The following GALNT7 variants were observed in gnomAD, a reference collection of about 807,000 sequenced individuals.
GALNT7 encodes polypeptide N-acetylgalactosaminyltransferase 7.
A neutral mutation model predicts 82.1 loss-of-function variants in GALNT7; 60 were observed. That is an observed-to-expected ratio of 0.73 (90% CI 0.59 to 0.91). The LOEUF (loss-of-function observed/expected upper bound fraction) is 0.91, where lower values mean the gene tolerates loss of function less well. Ranked by LOEUF, GALNT7 falls within the 40% of genes least tolerant of loss-of-function variation. The pLI is 0.00. For synonymous variants in GALNT7, 243 were observed against 275.1 expected (o/e 0.88, Z 1.15); for missense variants, 660 against 804.2 (o/e 0.82, Z 2.17).
Position 173,289,366 on chromosome 4 carries a change from A to G in GALNT7, c.588-2742A>G, listed in dbSNP as rs537974681. ...ACCTGGCTTCTTTGTCCTGCGTCCA[A>G]GAAAATTGAGCATGGACACAAGGGT... On this transcript the variant is annotated intron_variant, in intron 2 of 11. Transcript: ENST00000265000. 2.6e-5 allele frequency among the ~76,000 whole-genome samples: 4 copies of G among 152,284 alleles called. No homozygotes were observed. In the East Asian group the frequency reaches 7.7e-4, roughly 29 times the overall value.
intron 8 of GALNT7, among the ~76,000 whole-genome samples, chr4:173,313,582 A>AAAAAAG (rs944730472): frequency 1.3e-5 from 2 of 151,648 alleles, no homozygotes; most frequent in African/African-American, 4.8e-5. Flanking sequence ...AAAAAAAAAA[A>AAAAAAG]AAAAGAAAAG....
intron 1 of GALNT7, chr4:173,169,537 G>A (rs1731775584): frequency 6.6e-6 from 1 of 151,562 alleles, no homozygotes; most frequent in African/African-American, 2.4e-5. Context: ...GGAGTGGGAG[G>A]GCGATGGCGC....
intron 1 of GALNT7, among the ~76,000 whole-genome samples, chr4:173,225,318 T>A (rs1484230653): frequency 6.6e-6 from 1 of 152,032 alleles, no homozygotes. Context: ...GGAGAAATGT[T>A]TAAGGAAATG....
chr4:173,184,622 G>C (rs939235560), intron 1 of GALNT7, among the ~76,000 whole-genome samples: 5 of 143,988 alleles, frequency 3.5e-5, no homozygotes, highest in Non-Finnish European at 7.6e-5. Flanking sequence ...AGACCAGGGA[G>C]AGGGAGAGGG....
At chr4:173,223,913 A>C (rs937409264) in intron 1 of GALNT7, among the ~76,000 whole-genome samples, 1 of 152,200 alleles carries the variant, frequency 6.6e-6, no homozygotes, top group Non-Finnish European at 1.5e-5. Flanking sequence ...TGTGTACTTC[A>C]TATTGCATTA....
intron 1 of GALNT7, among the ~76,000 whole-genome samples, chr4:173,184,223 G>A (rs1051290298): frequency 4.6e-5 from 7 of 152,046 alleles, no homozygotes; most frequent in South Asian, 2.1e-4. Flanking sequence ...CTGCAATCTC[G>A]GCACTTTGGG....
chr4:173,200,409 T>A (rs1013946141), intron 1 of GALNT7, among the ~76,000 whole-genome samples: 1 of 152,154 alleles, frequency 6.6e-6, no homozygotes, highest in East Asian at 1.9e-4. Context: ...GACCACTTTG[T>A]TCTTGGATAC....
chr4:173,216,352 G>A (rs576149279), intron 1 of GALNT7, among the ~76,000 whole-genome samples: 1 of 152,238 alleles, frequency 6.6e-6, no homozygotes, highest in African/African-American at 2.4e-5. Flanking sequence ...GCTTAAAATA[G>A]ATAAGTACAA....
chr4:173,318,609 A>G, intron 11 of GALNT7, 50 bp downstream of exon 11: 1 of 1,121,300 alleles, frequency 8.9e-7, no homozygotes, highest in Non-Finnish European at 1.3e-6. Context: ...CATTTTCAGT[A>G]ACATCTAGCA....
In GALNT7 at chr4:173,198,152, C is replaced by T. The variant is rs532851224; in HGVS notation, c.126+29191C>T. On this transcript the variant is annotated intron_variant, in intron 1 of 11. Coordinates refer to ENST00000265000, the MANE Select transcript of GALNT7 (RefSeq NM_017423.3). Reference sequence around the variant, plus strand: ...TCGGTTCACTGCAAGCTCCACCTTCCGGGTTCACGCCATTCTCCCGCCTCA... The same window carrying T: ...TCGGTTCACTGCAAGCTCCACCTTCTGGGTTCACGCCATTCTCCCGCCTCA... Among the ~76,000 whole-genome samples, 41 of 151,116 alleles carry T rather than the reference C, an allele frequency of 2.7e-4. 1 individual carries two copies. Among genetic ancestry groups the T allele is most frequent in the African/African-American group, 5.6e-4 (23 of 41,096 alleles).
chr4:173,188,221 G>A (rs1218839504), intron 1 of GALNT7, among the ~76,000 whole-genome samples: 1 of 152,156 alleles, frequency 6.6e-6, no homozygotes, highest in Non-Finnish European at 1.5e-5. Context: ...TTGTGGCTTA[G>A]AGAAGTTAAA....
chr4:173,193,265 T>C (rs549419606), intron 1 of GALNT7, among the ~76,000 whole-genome samples: 6 of 152,322 alleles, frequency 3.9e-5, no homozygotes, highest in Admixed American at 3.9e-4. Flanking sequence ...TTATTTAAGC[T>C]AGCTTAAATT....
chr4:173,297,805 A>C, intron 5 of GALNT7: 1 of 1,430,786 alleles, frequency 7.0e-7, no homozygotes, highest in Non-Finnish European at 9.1e-7. Context: ...AACTACATGT[A>C]CTGTGCCTCT....
At chr4:173,242,883 A>G (rs1431331111) in intron 1 of GALNT7, among the ~76,000 whole-genome samples, 1 of 152,190 alleles carries the variant, frequency 6.6e-6, no homozygotes, top group Non-Finnish European at 1.5e-5. Flanking sequence ...GCAGCCAGAG[A>G]AAGGATGCTG....
intron 1 of GALNT7, among the ~76,000 whole-genome samples, chr4:173,201,279 C>T (rs990352079): frequency 6.6e-6 from 1 of 151,998 alleles, no homozygotes; most frequent in Non-Finnish European, 1.5e-5. Context: ...CCACCTCATG[C>T]CATTCTTGAT....
intron 1 of GALNT7, among the ~76,000 whole-genome samples, chr4:173,239,270 G>A (rs949865888): frequency 6.6e-6 from 1 of 152,178 alleles, no homozygotes; most frequent in South Asian, 2.1e-4. Context: ...CTTAAACCAA[G>A]CCAAGCAGTG....
At chr4:173,185,774 A>G (rs1021075156) in intron 1 of GALNT7, among the ~76,000 whole-genome samples, 3 of 152,260 alleles carry the variant, frequency 2.0e-5, no homozygotes, top group Admixed American at 2.0e-4. Flanking sequence ...TGCAGTTTGT[A>G]TGAACCGTGT....
At chr4:173,236,157 T>C (rs1056497910) in intron 1 of GALNT7, among the ~76,000 whole-genome samples, 1 of 152,148 alleles carries the variant, frequency 6.6e-6, no homozygotes, top group Non-Finnish European at 1.5e-5. Context: ...ATCCATCCTC[T>C]AGCTGGGTAG....
At position 173,292,433 on chromosome 4, in the gene GALNT7, T is replaced by A. The variant is rs1477202288; in HGVS notation, c.754+159T>A. On this transcript the variant is annotated intron_variant, in intron 3 of 11. Coordinates refer to ENST00000265000, the MANE Select transcript of GALNT7 (RefSeq NM_017423.3). This position sits in a 1 kb window ranked among gnomAD's most constrained non-coding sequence, Gnocchi z 4.8. ...CACTGTGCCAAGCATTGTATGTGAG[T>A]TATTTTGTTTAATACTAACAGTAAT... Among the ~76,000 whole-genome samples the A allele has an allele frequency of 2.0e-5, 3 of 152,326 alleles. No individual in the cohort carries two copies. The highest frequency in any genetic ancestry group is 4.4e-5 in the Non-Finnish European group (3 of 68,010).
Sources: allele counts gnomAD v4.1 joint callset (sites outside exome capture counted in the v4.1 genomes callset), GRCh38; gene constraint gnomAD v4.1.1; non-coding constraint Gnocchi (gnomAD v3.1); transcripts MANE v1.5; gene names NCBI Gene and HGNC (gene_info 2026-07-23, HGNC 2026-07-21).